PLIN5: variants seen among roughly 807,000 people sequenced by gnomAD.
PLIN5 encodes perilipin 5.
PLIN5 carries 34 observed loss-of-function variants against 32.8 expected under a neutral mutation model. That is an observed-to-expected ratio of 1.04 (90% CI 0.79 to 1.38). The LOEUF (loss-of-function observed/expected upper bound fraction) is 1.38. Among genes scored for constraint, PLIN5 ranks in the 40% most tolerant of loss-of-function variants. PLIN5 has a pLI of 0.00. For synonymous variants in PLIN5, 309 were observed against 292.9 expected, an observed-to-expected ratio of 1.05 and a Z score of -0.56; for missense variants, 712 against 660.5, an observed-to-expected ratio of 1.08 and a Z score of -0.85.
chr19:4,531,518 T>C, intron 3 of PLIN5, 109 bp downstream of exon 3: 1 of 1,160,220 alleles, frequency 8.6e-7, no homozygotes, highest in Non-Finnish European at 1.1e-6. Context: ...GTGGCTAGGC[T>C]GAAGATGACC....
At position 4,534,060 on chromosome 19, in the gene PLIN5, CTCT is replaced by C. The variant is rs760040398; in HGVS notation, c.12_14del (p.Glu5del). 4 of 1,613,094 alleles carry C rather than the reference CTCT, an allele frequency of 2.5e-6. No individual in the cohort carries two copies. The highest frequency in any genetic ancestry group is 1.7e-4 in the Middle Eastern group (1 of 6,044). On this transcript the variant is annotated inframe_deletion, in exon 2 of 8. Transcript: ENST00000381848. ...CACTGGATCTGGGGATCTGAGCCGCCTCTTCTTCAGACATCGTGCTGCAAACAG... is the reference window on the plus strand; with the variant it reads ...CACTGGATCTGGGGATCTGAGCCGCCTCTTCAGACATCGTGCTGCAAACAG...
rs1174313326 is a variant in PLIN5 at position 4,525,651 on chromosome 19, C to A, written c.702G>T (p.Leu234=). 3 of 1,613,334 alleles carry A rather than the reference C, an allele frequency of 1.9e-6. No individual in the cohort carries two copies. The highest frequency in any genetic ancestry group is 2.7e-5 in the African/African-American group (2 of 74,940). Residue 234 remains leucine, a synonymous_variant, in exon 6 of 8, where the codon CTG becomes CTT. Coordinates refer to ENST00000381848, the MANE Select transcript of PLIN5 (RefSeq NM_001013706.3). This position sits in a 1 kb window ranked among gnomAD's most constrained non-coding sequence, Gnocchi z 5.6. ...KHRAQDTLAQ[L]QETLELIDHM... is the part of the protein sequence containing the mutation. The stretch of plus-strand genomic sequence containing the variant: ...CTCTCACCAGCTCCAGCGTCTCCTG[C>A]AGCTGGGCCAGGGTGTCCTGGGCAC...
chr19:4,531,310 A>C (rs1357678886), intron 3 of PLIN5, among the ~76,000 whole-genome samples: 1 of 151,740 alleles, frequency 6.6e-6, no homozygotes, highest in Non-Finnish European at 1.5e-5. Context: ...GATTTAAAAA[A>C]AAAATTTTTT....
chr19:4,531,994 T>C (rs1976892470), intron 2 of PLIN5, among the ~76,000 whole-genome samples, 172 bp from the exon 3 acceptor site: 1 of 152,256 alleles, frequency 6.6e-6, no homozygotes, highest in Admixed American at 6.5e-5. Flanking sequence ...GAGAATGTCA[T>C]GGTTCCTGCA....
chr19:4,533,868 T>A (rs898593744), intron 2 of PLIN5, 147 bp downstream of exon 2: 1 of 883,656 alleles, frequency 1.1e-6, no homozygotes, highest in Non-Finnish European at 1.7e-6. Context: ...AAATAGACCA[T>A]CCCCTCCATG....
intron 3 of PLIN5, among the ~76,000 whole-genome samples, chr19:4,530,807 G>A (rs930490392): frequency 1.3e-5 from 2 of 151,936 alleles, no homozygotes; most frequent in Non-Finnish European, 2.9e-5. Context: ...CATGCAGCTG[G>A]GATTACAGGC....
In PLIN5 at chr19:4,523,844, T is replaced by G; in HGVS notation, c.1076A>C (p.Asp359Ala). The G allele has an allele frequency of 6.3e-7, 1 of 1,584,960 alleles. No individual in the cohort carries two copies. Among genetic ancestry groups the G allele is most frequent in the Non-Finnish European group, 8.5e-7 (1 of 1,173,498 alleles). The change falls in exon 8 of 8, where the codon GAC becomes GCC. Residue 359 changes from aspartate (D) to alanine (A), a missense_variant. Transcript: ENST00000381848. The surrounding 1 kb of genome is among the most constrained non-coding windows in gnomAD (Gnocchi z 5.0). ...CTGCACCACCAGCTCCAGCAGCTCG[T>G]CCACGCAGGCGTGCGCGTGGGCCAC... ...GRVAHAHACV[D>A]ELLELVVQAV...
At chr19:4,531,958 G>C (rs1052351943) in intron 2 of PLIN5, 136 bp from the exon 3 acceptor site, 2 of 861,224 alleles carry the variant, frequency 2.3e-6, no homozygotes, top group Non-Finnish European at 3.4e-6. Context: ...CCGCCACGTA[G>C]AGGCAGTGAA....
At chr19:4,533,961 G>A in intron 2 of PLIN5, 54 bp downstream of exon 2, 1 of 1,573,010 alleles carries the variant, frequency 6.4e-7, no homozygotes, top group South Asian at 1.1e-5. Flanking sequence ...TCCTAGAAGG[G>A]ACTGTCCCAC....
intron 4 of PLIN5, 81 bp from the exon 5 acceptor site, chr19:4,529,334 C>G: frequency 4.9e-6 from 7 of 1,442,794 alleles, no homozygotes; most frequent in Non-Finnish European, 6.5e-6. Context: ...GGGGCTGGGA[C>G]TCAAAGATCC....
rs1976827264 is a variant in PLIN5 at position 4,527,927 on chromosome 19, T to TG, written c.520+1145dup. 4.7e-5 allele frequency among the ~76,000 whole-genome samples: 7 copies of TG among 148,962 alleles called. No individual in the cohort carries two copies. In the South Asian group the frequency reaches 1.5e-3, roughly 31 times the overall value. On this transcript the variant is annotated intron_variant, in intron 5 of 7. Coordinates refer to ENST00000381848, the MANE Select transcript of PLIN5 (RefSeq NM_001013706.3). The stretch of plus-strand genomic sequence containing the variant: ...ATGCCTCACTGCCTTTTTTTTTTTT[T>TG]GAGATAGAGTCTCGCTCTGTCACCC...
Position 4,529,083 on chromosome 19 carries a change from C to A in PLIN5, c.510G>T (p.Glu170Asp). ...ELVDHFLPMT[E>D]EELAALAAEA... ...GGGTGTCGTCCTCACCGAGCTCTTCCTCCGTCATGGGCAGGAAGTGATCCA... is the reference window on the plus strand; with the variant it reads ...GGGTGTCGTCCTCACCGAGCTCTTCATCCGTCATGGGCAGGAAGTGATCCA... Residue 170 changes from glutamate (E) to aspartate (D), a missense_variant, in exon 5 of 8, where the codon GAG (glutamate) becomes GAT (aspartate). Coordinates refer to ENST00000381848, the MANE Select transcript of PLIN5 (RefSeq NM_001013706.3). 6.2e-7 allele frequency: 1 copy of A among 1,612,988 alleles called. No individual in the cohort carries two copies. Among genetic ancestry groups the A allele is most frequent in the African/African-American group, 1.3e-5 (1 of 75,042 alleles).
In PLIN5 at chr19:4,529,144, G is replaced by T. The variant is rs751929240; in HGVS notation, c.449C>A (p.Ala150Asp). The T allele has an allele frequency of 6.2e-7, 1 of 1,613,430 alleles. No individual in the cohort carries two copies. Among genetic ancestry groups the T allele is most frequent in the South Asian group, 1.1e-5 (1 of 91,082 alleles). Reference sequence around the variant, plus strand: ...TGATTTTTCCAGTACAACATCCACAGCATGGCTCACGGAGCGCTTCAGCTC... The same window carrying T: ...TGATTTTTCCAGTACAACATCCACATCATGGCTCACGGAGCGCTTCAGCTC... ...SVELKRSVSH[A>D]VDVVLEKSEE... The change falls in exon 5 of 8, where the codon GCT becomes GAT. Residue 150 changes from alanine (A) to aspartate (D), a missense_variant. Transcript: ENST00000381848.
intron 2 of PLIN5, among the ~76,000 whole-genome samples, chr19:4,532,058 A>G (rs1264329478): frequency 6.6e-6 from 1 of 152,230 alleles, no homozygotes; most frequent in East Asian, 1.9e-4. Context: ...TTTGTTTGTA[A>G]TGGGGTTTCA....
chr19:4,531,695 C>T lies in PLIN5; in HGVS notation c.188G>A (p.Cys63Tyr). The change falls in exon 3 of 8, where the codon TGC (cysteine) becomes TAC (tyrosine). Residue 63 changes from cysteine to tyrosine, a missense_variant. By Grantham distance (194) the Cys-to-Tyr change is radical (BLOSUM62 -2). Coordinates refer to ENST00000381848, the MANE Select transcript of PLIN5 (RefSeq NM_001013706.3). ...LGSACRLAEN[C>Y]VCGLTTRALD... is the part of the protein sequence containing the mutation. ...GGCACGGGTGGTCAGGCCGCACACG[C>T]AGTTCTCAGCCAGGCGGCAGGCGGA... 6.4e-7 allele frequency: 1 copy of T among 1,565,210 alleles called. No individual in the cohort carries two copies. The highest frequency in any genetic ancestry group is 8.6e-7 in the Non-Finnish European group (1 of 1,159,366).
chr19:4,533,136 C>T (rs948345063), intron 2 of PLIN5: 1 of 148,888 alleles, frequency 6.7e-6, no homozygotes, highest in Non-Finnish European at 1.5e-5. Context: ...GTTCTTGTTA[C>T]CTAGGCTGGA....
intron 7 of PLIN5, 136 bp downstream of exon 7, chr19:4,524,827 T>G: frequency 3.1e-5 from 18 of 572,232 alleles, no homozygotes; most frequent in Non-Finnish European, 3.9e-5. Context: ...CTCAACTAGC[T>G]GAGCTCAGCA....
Position 4,531,778 on chromosome 19 carries a change from C to T in PLIN5, c.105G>A (p.Thr35=), listed in dbSNP as rs776062542. 7.5e-6 allele frequency: 12 copies of T among 1,590,314 alleles called. No homozygotes were observed. In the African/African-American group the frequency reaches 8.1e-5, roughly 11 times the overall value. Residue 35 remains threonine (T), a synonymous_variant, in exon 3 of 8, where the codon ACG becomes ACA. Coordinates refer to ENST00000381848, the MANE Select transcript of PLIN5 (RefSeq NM_001013706.3). ...RVVALPLVRA[T]CTAVCDVYSA... is the part of the protein sequence containing the mutation. ...TGTAAACATCGCAGACCGCGGTGCA[C>T]GTGGCCCTGACCAGGGGCAGAGCCA...
intron 5 of PLIN5, 140 bp downstream of exon 5, chr19:4,528,933 G>A (rs1275774118): frequency 8.8e-6 from 8 of 910,866 alleles, no homozygotes; most frequent in South Asian, 1.9e-5. Flanking sequence ...CGGGAGGGAG[G>A]ACAGGCCTGG....
Sources: gnomAD v4.1 joint callset for allele counts (sites outside exome capture counted in the v4.1 genomes callset) on GRCh38, gnomAD v4.1.1 for gene constraint, Gnocchi (gnomAD v3.1) non-coding constraint, MANE v1.5 for transcripts, NCBI Gene and HGNC (gene_info 2026-07-23, HGNC 2026-07-21) for gene names.